Variants in GRHL3 observed in about 807,000 individuals in gnomAD.
GRHL3 encodes grainyhead-like protein 3 homolog.
GRHL3 carries 20 observed loss-of-function variants against 70.3 expected under a neutral mutation model. The observed-to-expected ratio is 0.28, with a 90% CI of 0.20 to 0.41. The LOEUF is 0.41. GRHL3 is among the 10% of genes least tolerant of loss of function. GRHL3 has a pLI of 1.00. For missense variants in GRHL3, 637 were observed against 762.3 expected, an observed-to-expected ratio of 0.84 and a Z score of 1.94; for synonymous variants, 299 against 299.9, an observed-to-expected ratio of 1.00 and a Z score of 0.03.
At chr1:24,333,277 C>T (rs898628947) in intron 2 of GRHL3, among the ~76,000 whole-genome samples, 6 of 152,136 alleles carry the variant, frequency 3.9e-5, no homozygotes, top group Non-Finnish European at 5.9e-5. Context: ...AGCACCAAGT[C>T]GGGAATTTGA....
rs762091112 is a variant in GRHL3, at chr1:24,344,902, C to G, written c.1425C>G (p.Ala475=). The change falls in exon 12 of 16, where the codon GCC becomes GCG. Residue 475 remains alanine, a synonymous_variant. Coordinates refer to ENST00000361548, the MANE Select transcript of GRHL3 (RefSeq NM_198173.3). ...TCTTTTTCACTTCATTGCAGGCAGC[C>G]CCCTCGGCAGGACCCAGCAGCTCCA... The part of the protein sequence containing the change: ...FSSLQRSGGA[A]PSAGPSSSNR... 6.2e-7 allele frequency: 1 copy of G among 1,613,510 alleles called. No homozygotes were observed. The highest frequency in any genetic ancestry group is 2.2e-5 in the East Asian group (1 of 44,896).
intron 15 of GRHL3, among the ~76,000 whole-genome samples, chr1:24,354,118 C>T (rs999479155): frequency 6.6e-6 from 1 of 152,160 alleles, no homozygotes; most frequent in Admixed American, 6.5e-5. Flanking sequence ...AGAGGCAATC[C>T]GGCGCAGTAG....
In GRHL3 at chr1:24,334,308, A is replaced by C. The variant is rs1012841603; in HGVS notation, c.205-337A>C. 6.6e-6 allele frequency among the ~76,000 whole-genome samples: 1 copy of C among 152,194 alleles called. No individual in the cohort carries two copies. The highest frequency in any genetic ancestry group is 6.5e-5 in the Admixed American group (1 of 15,286). On this transcript the variant is annotated intron_variant, in intron 2 of 15. Transcript: ENST00000361548. The surrounding 1 kb of genome is among the most constrained non-coding windows in gnomAD (Gnocchi z 4.3). The stretch of plus-strand genomic sequence containing the variant: ...AGGGAGGCGTCAGGAAACTTAAATC[A>C]TGGAGGAAGGGGAAGCAAACACATC...
Position 24,322,535 on chromosome 1 carries a change from G to C in GRHL3, c.17+2967G>C, listed in dbSNP as rs1639236459. Among the ~76,000 whole-genome samples the C allele has an allele frequency of 6.6e-6, 1 of 152,236 alleles. No homozygotes were observed. Among genetic ancestry groups the C allele is most frequent in the Admixed American group, 6.5e-5 (1 of 15,290 alleles). On this transcript the variant is annotated intron_variant, in intron 1 of 15. Coordinates refer to ENST00000361548, the MANE Select transcript of GRHL3 (RefSeq NM_198173.3). The surrounding 1 kb of genome is among the most constrained non-coding windows in gnomAD (Gnocchi z 4.4). ...AAAGTTAAAAGCCCTCTTTGAGTTC[G>C]GGCTGTAAAACTGGCGGACTGGGCC...
chr1:24,357,710 C>T (rs190291530), downstream of GRHL3: 103 of 167,258 alleles, frequency 6.2e-4, no homozygotes, highest in African/African-American at 2.3e-3. Context: ...CCCCACCCAC[C>T]GCGAATCTGT....
At chr1:24,341,531 G>C (rs940527567) in intron 8 of GRHL3, among the ~76,000 whole-genome samples, 1 of 152,178 alleles carries the variant, frequency 6.6e-6, no homozygotes, top group Admixed American at 6.5e-5. Context: ...CTGTTTCCCC[G>C]GCTGTAAGAT....
intron 1 of GRHL3, 99 bp downstream of exon 1, chr1:24,319,667 C>G: frequency 1.2e-6 from 2 of 1,608,646 alleles, no homozygotes; most frequent in South Asian, 1.1e-5. Flanking sequence ...CCGGGATTCA[C>G]AGAGCAATTT....
In GRHL3 at chr1:24,339,757, GCCAAGGT is replaced by G. The variant is rs1277118518; in HGVS notation, c.1044_1047+3del. ...CTTTGTGTGGAACGTGAATGAAGAG[GCCAAGGT>G]CAGTGCTGAGGGCAGTGGCTGGGAT... is the stretch of plus-strand genomic sequence containing the variant. On this transcript the variant is annotated splice_donor_variant and coding_sequence_variant, in exon 8 of 16. Transcript: ENST00000361548. LOFTEE classifies it high-confidence loss of function. 1 of 1,609,210 alleles carries G rather than the reference GCCAAGGT, an allele frequency of 6.2e-7. No homozygotes were observed. The highest frequency in any genetic ancestry group is 8.5e-7 in the Non-Finnish European group (1 of 1,176,136).
At chr1:24,319,619 T>C in intron 1 of GRHL3, 51 bp downstream of exon 1, 1 of 1,613,160 alleles carries the variant, frequency 6.2e-7, no homozygotes, top group Admixed American at 1.7e-5. Context: ...GGAGGCTGGA[T>C]GGGGTTTCCT....
intron 1 of GRHL3, among the ~76,000 whole-genome samples, chr1:24,323,339 G>A (rs997248843): frequency 6.6e-5 from 10 of 152,142 alleles, no homozygotes; most frequent in Admixed American, 3.3e-4. Flanking sequence ...GAAACTGGGG[G>A]TATGGCTCAG....
At chr1:24,359,065 A>T (rs1183455595), downstream of GRHL3, among the ~76,000 whole-genome samples, 1 of 152,170 alleles carries the variant, frequency 6.6e-6, no homozygotes, top group Non-Finnish European at 1.5e-5. This position sits in a 1 kb window ranked among gnomAD's most constrained non-coding sequence, Gnocchi z 5.3. Context: ...CCAGAAACTC[A>T]TGTTGATACT....
chr1:24,352,889 G>A (rs1640571894), intron 15 of GRHL3, among the ~76,000 whole-genome samples: 1 of 152,174 alleles, frequency 6.6e-6, no homozygotes, highest in Non-Finnish European at 1.5e-5. Flanking sequence ...GCCCAAGCCT[G>A]GACCTTCTTC....
At chr1:24,336,428 A>AC (rs1639814059) in intron 3 of GRHL3, 54 bp from the exon 4 acceptor site, 2 of 1,238,338 alleles carry the variant, frequency 1.6e-6, no homozygotes, top group Non-Finnish European at 1.1e-6. Flanking sequence ...CTAGCCAAAG[A>AC]CCCCCCTTTA....
intron 7 of GRHL3, among the ~76,000 whole-genome samples, chr1:24,339,281 CTTT>C (rs59192456): frequency 6.8e-6 from 1 of 148,110 alleles, no homozygotes; most frequent in African/African-American, 2.5e-5. Context: ...CCAGTTTTGT[CTTT>C]TTTTTTTTTG....
Position 24,336,716 on chromosome 1 carries a change from CACT to C in GRHL3, c.502_504del (p.Thr168del). The C allele has an allele frequency of 6.2e-7, 1 of 1,614,144 alleles. No individual in the cohort carries two copies. Among genetic ancestry groups the C allele is most frequent in the East Asian group, 2.2e-5 (1 of 44,874 alleles). On this transcript the variant is annotated inframe_deletion, in exon 4 of 16. Transcript: ENST00000361548. Reference sequence around the variant, plus strand: ...CTGTGGACAGCTACCTGTTACCCACCACTGATATGTATGATAATGGCTCCCTCA... The same window carrying C: ...CTGTGGACAGCTACCTGTTACCCACCGATATGTATGATAATGGCTCCCTCA...
At chr1:24,356,660 C>T (rs1437816659), downstream of GRHL3, among the ~76,000 whole-genome samples, 1 of 152,198 alleles carries the variant, frequency 6.6e-6, no homozygotes, top group Admixed American at 6.5e-5. Flanking sequence ...AGGTCATGAT[C>T]TCTGTTGGTT....
chr1:24,347,013 G>T (rs1640313441), intron 13 of GRHL3, among the ~76,000 whole-genome samples: 1 of 152,134 alleles, frequency 6.6e-6, no homozygotes, highest in Admixed American at 6.5e-5. Flanking sequence ...TTACTTCCTT[G>T]GGGTGGGGAA....
intron 15 of GRHL3, among the ~76,000 whole-genome samples, chr1:24,361,555 C>T (rs1183007839): frequency 6.6e-6 from 1 of 152,092 alleles, no homozygotes; most frequent in East Asian, 1.9e-4. Context: ...TTTGCCATCC[C>T]AAGACCAGCA....
At chr1:24,354,280 C>T (rs1640629338) in intron 15 of GRHL3, 94 bp from the exon 16 acceptor site, 1 of 781,050 alleles carries the variant, frequency 1.3e-6, no homozygotes, top group Admixed American at 2.2e-5. Context: ...GGCAGGTACC[C>T]ACTGGGTATG....
Sources: gnomAD v4.1 joint callset for allele counts (sites outside exome capture counted in the v4.1 genomes callset) on GRCh38, gnomAD v4.1.1 for gene constraint, Gnocchi (gnomAD v3.1) non-coding constraint, MANE v1.5 for transcripts, NCBI Gene and HGNC (gene_info 2026-07-23, HGNC 2026-07-21) for gene names.